RFX2: variants seen among roughly 807,000 people sequenced by gnomAD.
RFX2 encodes DNA-binding protein RFX2.
RFX2 carries 20 observed loss-of-function variants against 87.8 expected under a neutral mutation model. The ratio of observed to expected loss-of-function variants is 0.23; its 90% CI spans 0.16 to 0.33. RFX2 has a LOEUF of 0.33. Ranked by LOEUF, RFX2 falls within the 10% of genes least tolerant of loss-of-function variation. The probability of loss-of-function intolerance (pLI) is 1.00; values close to 1 mark genes in which losing one functional copy is unlikely to be tolerated. For missense variants in RFX2, 767 were observed against 1,012.3 expected (o/e 0.76, Z 3.29); for synonymous variants, 397 against 431.3 (o/e 0.92, Z 0.98).
At chr19:6,019,237 G>C (rs527788113) in intron 6 of RFX2, among the ~76,000 whole-genome samples, 5 of 152,310 alleles carry the variant, frequency 3.3e-5, no homozygotes, top group African/African-American at 1.2e-4. Context: ...GAAGGGCCCG[G>C]AGTGGAGACT....
chr19:6,014,222 T>G (rs779579267), intron 7 of RFX2, among the ~76,000 whole-genome samples: 2 of 151,978 alleles, frequency 1.3e-5, no homozygotes, highest in Non-Finnish European at 2.9e-5. Context: ...TTTCTTTTTC[T>G]TTCTTTCTTT....
intron 1 of RFX2, among the ~76,000 whole-genome samples, chr19:6,107,721 T>G (rs1016958227): frequency 1.3e-5 from 2 of 151,636 alleles, no homozygotes; most frequent in Non-Finnish European, 1.5e-5. Context: ...TTAATTATAA[T>G]GCTAATGTAA....
At chr19:6,104,752 CAAGG>C (rs1230739501) in intron 1 of RFX2, among the ~76,000 whole-genome samples, 1 of 152,022 alleles carries the variant, frequency 6.6e-6, no homozygotes, top group East Asian at 1.9e-4. Context: ...CCATAAGTGT[CAAGG>C]AAACCATTTG....
rs972503706 is a variant in RFX2 at position 6,097,545 on chromosome 19, T to C, written c.-9+12848A>G. Among the ~76,000 whole-genome samples the C allele has an allele frequency of 1.6e-4, 24 of 152,232 alleles. 1 individual carries two copies. Among genetic ancestry groups the C allele is most frequent in the African/African-American group, 5.8e-4 (24 of 41,522 alleles). ...TAATACATGTAATACACCAGGCACATAGTATGTACCCATGGGTAACATCAT... is the reference window on the plus strand; with the variant it reads ...TAATACATGTAATACACCAGGCACACAGTATGTACCCATGGGTAACATCAT... On this transcript the variant is annotated intron_variant, in intron 1 of 17. Coordinates refer to ENST00000303657, the MANE Select transcript of RFX2 (RefSeq NM_000635.4).
rs1275081858 is a variant in RFX2, at chr19:6,045,781, C to T, written c.91-1499G>A. 6.6e-6 allele frequency among the ~76,000 whole-genome samples: 1 copy of T among 152,120 alleles called. No individual in the cohort carries two copies. Among genetic ancestry groups the T allele is most frequent in the Non-Finnish European group, 1.5e-5 (1 of 68,028 alleles). ...CTGCCTCCTGGGTTCAAGCGATTCT[C>T]CTGCCTCAGCTTCCCGAGTAGCTGG... is the stretch of plus-strand genomic sequence containing the variant. On this transcript the variant is annotated intron_variant, in intron 2 of 17. Transcript: ENST00000303657. The surrounding 1 kb of genome is among the most constrained non-coding windows in gnomAD (Gnocchi z 5.2).
At position 5,994,433 on chromosome 19, in the gene RFX2, A is replaced by G. The variant is rs1168166801; in HGVS notation, c.*402T>C. ...AGTCGGGCTCTGCCAGGTTTTTTTA[A>G]TTTTTAAAATCATGGTGAAAATTGG... is the stretch of plus-strand genomic sequence containing the variant. On this transcript the variant is annotated 3_prime_UTR_variant, in exon 18 of 18. Transcript: ENST00000303657. The G allele has an allele frequency of 1.2e-5, 2 of 162,722 alleles. No homozygotes were observed. Among genetic ancestry groups the G allele is most frequent in the African/African-American group, 4.8e-5 (2 of 41,824 alleles). The allele number at this position is 162,722 out of a possible 1,614,324, so 10.1% of individuals were successfully genotyped here.
chr19:6,098,066 C>A (rs2088055696), intron 1 of RFX2, among the ~76,000 whole-genome samples: 2 of 152,136 alleles, frequency 1.3e-5, no homozygotes, highest in East Asian at 3.9e-4. Flanking sequence ...AATGTTATCA[C>A]ACAGCATTGA....
In RFX2 at chr19:6,063,051, G is replaced by A. The variant is rs1177523778; in HGVS notation, c.-8-15547C>T. On this transcript the variant is annotated intron_variant, in intron 1 of 17. Transcript: ENST00000303657. This position sits in a 1 kb window ranked among gnomAD's most constrained non-coding sequence, Gnocchi z 4.0. ...CCCACATCCCCTCCCGTGAGCTGCTGTGTCTCGTATCCCTCCTGTCCTGCC... is the reference window on the plus strand; with the variant it reads ...CCCACATCCCCTCCCGTGAGCTGCTATGTCTCGTATCCCTCCTGTCCTGCC... Among the ~76,000 whole-genome samples the A allele has an allele frequency of 4.6e-5, 7 of 152,162 alleles. No individual in the cohort carries two copies. The highest frequency in any genetic ancestry group is 3.3e-4 in the Admixed American group (5 of 15,268).
chr19:6,006,896 T>G, intron 12 of RFX2, 116 bp downstream of exon 12: 1 of 1,262,630 alleles, frequency 7.9e-7, no homozygotes, highest in Non-Finnish European at 1.1e-6. Flanking sequence ...CCGGCCACTT[T>G]TGGGTTTTCT....
At chr19:6,052,202 A>G (rs1428040747) in intron 1 of RFX2, among the ~76,000 whole-genome samples, 1 of 152,202 alleles carries the variant, frequency 6.6e-6, no homozygotes, top group Admixed American at 6.5e-5. Flanking sequence ...AGAAAGCTGG[A>G]GCGGCTGTAA....
intron 1 of RFX2, among the ~76,000 whole-genome samples, chr19:6,054,479 A>G (rs1402532492): frequency 6.6e-6 from 1 of 152,208 alleles, no homozygotes; most frequent in Non-Finnish European, 1.5e-5. Context: ...TGCAAAAATA[A>G]TTTAAAATAT....
At chr19:6,096,508 G>A (rs868411812) in intron 1 of RFX2, among the ~76,000 whole-genome samples, 4 of 152,066 alleles carry the variant, frequency 2.6e-5, no homozygotes, top group African/African-American at 4.8e-5. Context: ...GTGCAGTGGC[G>A]CGATCTCGGC....
rs917759792 is a variant in RFX2, at chr19:6,004,438, G to A, written c.1403-140C>T. ...CGAGCCACACAGGCGACGGGGAACC[G>A]AGGACACTTAGAAACGGGAAGAACC... is the stretch of plus-strand genomic sequence containing the variant. On this transcript the variant is annotated intron_variant, in intron 12 of 17. Coordinates refer to ENST00000303657, the MANE Select transcript of RFX2 (RefSeq NM_000635.4). This position sits in a 1 kb window ranked among gnomAD's most constrained non-coding sequence, Gnocchi z 4.8. 129 of 697,544 alleles carry A rather than the reference G, an allele frequency of 1.8e-4. No homozygotes were observed. The highest frequency in any genetic ancestry group is 4.6e-4 in the South Asian group (29 of 63,334). The allele number at this position is 697,544 out of a possible 1,614,324, so 43.2% of individuals were successfully genotyped here. A position where few individuals can be genotyped will look rare whatever the true frequency, so the allele number is the denominator to read the frequency against.
chr19:6,059,364 A>G (rs73923432), intron 1 of RFX2, among the ~76,000 whole-genome samples: 9,680 of 152,178 alleles, frequency 0.064, 763 homozygotes, highest in African/African-American at 0.19. Context: ...ACTGCCATCA[A>G]TAATATACCA....
At position 6,007,222 on chromosome 19, in the gene RFX2, G is replaced by A. The variant is rs1223655167; in HGVS notation, c.1248-56C>T. The A allele has an allele frequency of 1.3e-6, 2 of 1,566,046 alleles. No individual in the cohort carries two copies. The highest frequency in any genetic ancestry group is 1.7e-6 in the Non-Finnish European group (2 of 1,145,544). On this transcript the variant is annotated intron_variant, in intron 11 of 17. Coordinates refer to ENST00000303657, the MANE Select transcript of RFX2 (RefSeq NM_000635.4). This position sits in a 1 kb window ranked among gnomAD's most constrained non-coding sequence, Gnocchi z 8.2. ...GGCCTGGCCCAGGTGGGCTCACTCA[G>A]CCACGGGAGCGAGCAGAGAGCCGGG...
chr19:6,071,424 T>C (rs1019482307), intron 1 of RFX2, among the ~76,000 whole-genome samples: 1 of 152,142 alleles, frequency 6.6e-6, no homozygotes, highest in African/African-American at 2.4e-5. Flanking sequence ...CATATCTCAA[T>C]TGGCCCGGGA....
intron 16 of RFX2, among the ~76,000 whole-genome samples, chr19:5,996,302 CAGAG>C (rs1214461387): frequency 1.3e-5 from 2 of 152,284 alleles, no homozygotes; most frequent in South Asian, 4.1e-4. Flanking sequence ...ACGACGGCCA[CAGAG>C]AGGGAGCGAC....
intron 1 of RFX2, among the ~76,000 whole-genome samples, chr19:6,107,895 T>C (rs1374502017): frequency 1.1e-4 from 17 of 152,218 alleles, no homozygotes. Flanking sequence ...TATTATATTG[T>C]TGTATTTAAA....
rs548110157 is a variant in RFX2, at chr19:6,047,624, G to A, written c.-8-120C>T. On this transcript the variant is annotated intron_variant, in intron 1 of 17. Coordinates refer to ENST00000303657, the MANE Select transcript of RFX2 (RefSeq NM_000635.4). The surrounding 1 kb of genome is among the most constrained non-coding windows in gnomAD (Gnocchi z 4.2). ...CAGCTACATTCTTCAAAGTCGAAAG[G>A]CAGAGACCCTGGTGGTACTGCCTAA... The A allele has an allele frequency of 8.9e-6, 7 of 790,052 alleles. No individual in the cohort carries two copies. The Middle Eastern group carries it at 2.4e-3, about 269-fold the overall frequency. The allele number at this position is 790,052 out of a possible 1,614,324, so 48.9% of individuals were successfully genotyped here.
Sources: allele counts gnomAD v4.1 joint callset (sites outside exome capture counted in the v4.1 genomes callset), GRCh38; gene constraint gnomAD v4.1.1; non-coding constraint Gnocchi (gnomAD v3.1); transcripts MANE v1.5; gene names NCBI Gene and HGNC (gene_info 2026-07-23, HGNC 2026-07-21).